The following JPH2 variants were observed in gnomAD, a reference collection of about 807,000 sequenced individuals.
The protein encoded by JPH2 is junctophilin 2.
In JPH2, 38 loss-of-function variants were observed where a neutral mutation model predicts 55.9. The ratio of observed to expected loss-of-function variants is 0.68; its 90% CI spans 0.52 to 0.89. The LOEUF (loss-of-function observed/expected upper bound fraction) is 0.89, where lower values mean the gene tolerates loss of function less well. Ranked by LOEUF, JPH2 falls within the 40% of genes least tolerant of loss-of-function variation. JPH2 has a pLI of 0.00. For synonymous variants in JPH2, 480 were observed against 472.4 expected (o/e 1.02, Z -0.21); for missense variants, 964 against 1,037.6 (o/e 0.93, Z 0.97).
In JPH2 at chr20:44,159,975, T is replaced by A. The variant is rs750277885; in HGVS notation, c.812A>T (p.Glu271Val). ...GAAGGGTGCGGCCTCGTCGGCGCCC[T>A]CGGCGGCCTCTCCCAGGCTGGCGGT... ...ASTASLGEAAEGADEAAPFEA... is the reference protein window; with the variant it reads ...ASTASLGEAAVGADEAAPFEA... Residue 271 changes from glutamate (E) to valine (V), a missense_variant, in exon 2 of 6, where the codon GAG (glutamate) becomes GTG (valine). Transcript: ENST00000372980. The surrounding 1 kb of genome is among the most constrained non-coding windows in gnomAD (Gnocchi z 5.7). 6.3e-7 allele frequency: 1 copy of A among 1,591,908 alleles called. No homozygotes were observed. The highest frequency in any genetic ancestry group is 8.5e-7 in the Non-Finnish European group (1 of 1,173,480).
intron 2 of JPH2, among the ~76,000 whole-genome samples, chr20:44,128,579 CAT>C (rs1009349241): frequency 6.6e-6 from 1 of 151,764 alleles, no homozygotes; most frequent in African/African-American, 2.4e-5. Flanking sequence ...TAATATAAGA[CAT>C]ATTGTATGCA....
At chr20:44,163,055 G>A (rs980294630) in intron 1 of JPH2, among the ~76,000 whole-genome samples, 20 of 151,484 alleles carry the variant, frequency 1.3e-4, no homozygotes, top group Admixed American at 3.3e-4. Flanking sequence ...CCCATAGCAC[G>A]TATCACCTTC....
At chr20:44,124,605 G>A (rs1432734963) in intron 2 of JPH2, among the ~76,000 whole-genome samples, 1 of 151,798 alleles carries the variant, frequency 6.6e-6, no homozygotes, top group African/African-American at 2.4e-5. Flanking sequence ...CTTGAGGCCA[G>A]GAGTTTGAGA....
chr20:44,183,831 A>C (rs2072807229), intron 1 of JPH2, among the ~76,000 whole-genome samples: 1 of 152,072 alleles, frequency 6.6e-6, no homozygotes, highest in East Asian at 1.9e-4. Flanking sequence ...ATGATTCAAA[A>C]CTGCAGCCAG....
intron 1 of JPH2, among the ~76,000 whole-genome samples, chr20:44,174,158 T>G (rs1320418565): frequency 6.6e-6 from 1 of 152,164 alleles, no homozygotes; most frequent in Non-Finnish European, 1.5e-5. Context: ...GTAAGTGTAG[T>G]CTTATTCCTT....
chr20:44,114,648 C>T (rs1404203828), intron 5 of JPH2, 134 bp downstream of exon 5: 3 of 627,088 alleles, frequency 4.8e-6, no homozygotes, highest in South Asian at 1.6e-5. Context: ...TTGGCTTCTG[C>T]AGGTGGGTGG....
intron 2 of JPH2, among the ~76,000 whole-genome samples, chr20:44,127,415 T>G (rs1260044297): frequency 6.6e-6 from 1 of 152,158 alleles, no homozygotes; most frequent in Non-Finnish European, 1.5e-5. Flanking sequence ...CATATTATCA[T>G]ATTATGTTCC....
At position 44,109,425 on chromosome 20, in the gene JPH2, G is replaced by A; in HGVS notation, c.*4093C>T. 6.6e-6 allele frequency among the ~76,000 whole-genome samples: 1 copy of A among 152,212 alleles called. No individual in the cohort carries two copies. Among genetic ancestry groups the A allele is most frequent in the Middle Eastern group, 3.2e-3 (1 of 316 alleles). ...CCCCCAGAAAAGTAAGAAAGTTCTA[G>A]ATGTTAAGGGACAGAGCCAAGATTT... is the stretch of plus-strand genomic sequence containing the variant. On this transcript the variant is annotated 3_prime_UTR_variant, in exon 6 of 6. Coordinates refer to ENST00000372980, the MANE Select transcript of JPH2 (RefSeq NM_020433.5).
At chr20:44,141,221 G>A (rs1210317955) in intron 2 of JPH2, among the ~76,000 whole-genome samples, 2 of 152,178 alleles carry the variant, frequency 1.3e-5, no homozygotes, top group Non-Finnish European at 2.9e-5. Flanking sequence ...AACGCATCCG[G>A]CTAAAAATAT....
At chr20:44,143,867 C>T (rs532611328) in intron 2 of JPH2, among the ~76,000 whole-genome samples, 1 of 152,084 alleles carries the variant, frequency 6.6e-6, no homozygotes, top group African/African-American at 2.4e-5. Context: ...TGCAGAGGGG[C>T]AGTGAGAGGA....
At chr20:44,154,893 C>A (rs1292229636) in intron 2 of JPH2, among the ~76,000 whole-genome samples, 2 of 152,144 alleles carry the variant, frequency 1.3e-5, no homozygotes, top group African/African-American at 2.4e-5. Flanking sequence ...GGACTCCTGC[C>A]CCAGACACAC....
In JPH2 at chr20:44,186,310, C is replaced by T. The variant is rs765611071; in HGVS notation, c.379+17G>A. ...CCTGGCTCCACCCCACCTCTGCGGG[C>T]CCCCAGCTGGCCTCACCTCCATCAG... On this transcript the variant is annotated intron_variant, in intron 1 of 5. Transcript: ENST00000372980. 1.6e-5 allele frequency: 25 copies of T among 1,609,102 alleles called. No homozygotes were observed. Among genetic ancestry groups the T allele is most frequent in the Non-Finnish European group, 2.1e-5 (25 of 1,179,698 alleles).
rs1258396813 is a variant in JPH2 at position 44,116,323 on chromosome 20, T to C, written c.1352A>G (p.Glu451Gly). ...TGCGCCGGCGCCCCGGTCGGGGGGC[T>C]CCAGCAGGCTCTCCGAGTTCTCCAG... is the stretch of plus-strand genomic sequence containing the variant. ...EILENSESLL[E>G]PPDRGAGAAG... Residue 451 changes from glutamate (E) to glycine (G), a missense_variant, in exon 4 of 6, where the codon GAG becomes GGG. Glu to Gly is a moderately conservative substitution (Grantham distance 98, BLOSUM62 -2). Coordinates refer to ENST00000372980, the MANE Select transcript of JPH2 (RefSeq NM_020433.5). 1 of 1,544,810 alleles carries C rather than the reference T, an allele frequency of 6.5e-7. No homozygotes were observed. The highest frequency in any genetic ancestry group is 2.0e-5 in the Admixed American group (1 of 50,900).
rs2072133730 is a variant in JPH2 at position 44,110,419 on chromosome 20, A to G, written c.*3099T>C. Among the ~76,000 whole-genome samples, 5 of 126,028 alleles carry G rather than the reference A, an allele frequency of 4.0e-5. No homozygotes were observed. Among genetic ancestry groups the G allele is most frequent in the Admixed American group, 3.8e-4 (5 of 12,988 alleles). The allele number at this position is 126,028 out of a possible 152,430, so 82.7% of individuals were successfully genotyped here. ...CCCAGCATCATTCCAGAGTTTTGAA[A>G]ACTTTTGTGTTTTTTTTTTTTTCCA... On this transcript the variant is annotated 3_prime_UTR_variant, in exon 6 of 6. Transcript: ENST00000372980.
rs760464005 is a variant in JPH2, at chr20:44,122,367, G to A, written c.1170-3744C>T. ...AGGCCAGGGACAGAATGAGATGACC[G>A]AGGCACTCGCCTCAGGGGCAAAATT... On this transcript the variant is annotated intron_variant, in intron 2 of 5. Coordinates refer to ENST00000372980, the MANE Select transcript of JPH2 (RefSeq NM_020433.5). Among the ~76,000 whole-genome samples the A allele has an allele frequency of 9.2e-5, 14 of 152,046 alleles. No homozygotes were observed. The South Asian group carries it at 1.0e-3, about 11-fold the overall frequency.
intron 2 of JPH2, among the ~76,000 whole-genome samples, chr20:44,121,769 T>G: frequency 6.6e-6 from 1 of 151,950 alleles, no homozygotes; most frequent in African/African-American, 2.4e-5. Context: ...GGAAGATCAC[T>G]TGAGCTCAGG....
At chr20:44,166,535 C>T (rs1166455909) in intron 1 of JPH2, among the ~76,000 whole-genome samples, 1 of 152,172 alleles carries the variant, frequency 6.6e-6, no homozygotes, top group Non-Finnish European at 1.5e-5. Flanking sequence ...CCAAGAAAAA[C>T]TGAGATTGCA....
chr20:44,183,856 A>G (rs2072807427), intron 1 of JPH2, among the ~76,000 whole-genome samples: 1 of 152,190 alleles, frequency 6.6e-6, no homozygotes, highest in Non-Finnish European at 1.5e-5. Flanking sequence ...CTTTCGCTGG[A>G]AAGAGTCAGG....
intron 2 of JPH2, among the ~76,000 whole-genome samples, chr20:44,127,975 C>G (rs543455703): frequency 6.6e-6 from 1 of 152,050 alleles, no homozygotes; most frequent in South Asian, 2.1e-4. Flanking sequence ...TTTTTTCCTT[C>G]TTATTATTGA....
Sources: allele counts gnomAD v4.1 joint callset (sites outside exome capture counted in the v4.1 genomes callset), GRCh38; gene constraint gnomAD v4.1.1; non-coding constraint Gnocchi (gnomAD v3.1); transcripts MANE v1.5; gene names NCBI Gene and HGNC (gene_info 2026-07-23, HGNC 2026-07-21).